Variants in PITPNC1 observed in about 807,000 individuals in gnomAD.
PITPNC1 encodes cytoplasmic phosphatidylinositol transfer protein 1.
Under a neutral mutation model 44.7 loss-of-function variants are expected in PITPNC1, and 18 were observed. That is an observed-to-expected ratio of 0.40 (90% CI 0.28 to 0.60). The LOEUF (loss-of-function observed/expected upper bound fraction) is 0.60, where lower values mean the gene tolerates loss of function less well. Among genes scored for constraint, PITPNC1 ranks in the 20% least tolerant of loss-of-function variants. The pLI, the probability that PITPNC1 is intolerant of heterozygous loss-of-function variation, is 0.39. For synonymous variants in PITPNC1, 141 were observed against 149.6 expected (o/e 0.94, Z 0.42); for missense variants, 290 against 418.4 (o/e 0.69, Z 2.68).
chr17:67,624,029 G>T (rs545667154), intron 5 of PITPNC1, among the ~76,000 whole-genome samples: 1 of 152,166 alleles, frequency 6.6e-6, no homozygotes, highest in African/African-American at 2.4e-5. Flanking sequence ...TCACCACACA[G>T]CACGTAATAG....
chr17:67,657,539 C>T (rs113292127), intron 6 of PITPNC1, among the ~76,000 whole-genome samples: 1 of 150,664 alleles, frequency 6.6e-6, no homozygotes, highest in African/African-American at 2.5e-5. Flanking sequence ...GCCCTATTGC[C>T]GAGTGCCTGT....
intron 1 of PITPNC1, among the ~76,000 whole-genome samples, chr17:67,424,382 C>T (rs1368944053): frequency 1.3e-5 from 2 of 152,076 alleles, no homozygotes; most frequent in Admixed American, 6.6e-5. Context: ...GCTGGCTGGG[C>T]GCAGTGGCTC....
chr17:67,663,755 G>C (rs1476447914), intron 6 of PITPNC1, among the ~76,000 whole-genome samples: 1 of 151,982 alleles, frequency 6.6e-6, no homozygotes, highest in Admixed American at 6.6e-5. Context: ...TCTAGGATGC[G>C]GGTGGTAACT....
chr17:67,435,059 A>T (rs996007698), intron 1 of PITPNC1, among the ~76,000 whole-genome samples: 3 of 145,240 alleles, frequency 2.1e-5, no homozygotes, highest in African/African-American at 7.7e-5. Flanking sequence ...CAGTGAGCTG[A>T]GATCACGCCA....
intron 1 of PITPNC1, among the ~76,000 whole-genome samples, chr17:67,384,908 A>G (rs1361251943): frequency 6.6e-6 from 1 of 152,236 alleles, no homozygotes; most frequent in Non-Finnish European, 1.5e-5. Flanking sequence ...AATTTGGAAA[A>G]TGTTTTCCTT....
At chr17:67,455,866 C>T (rs1262764766) in intron 1 of PITPNC1, among the ~76,000 whole-genome samples, 1 of 152,120 alleles carries the variant, frequency 6.6e-6, no homozygotes, top group African/African-American at 2.4e-5. Context: ...TATATTTTTA[C>T]TTGGTTACTG....
In PITPNC1 at chr17:67,633,985, G is replaced by A. The variant is rs116044461; in HGVS notation, c.462+1747G>A. On this transcript the variant is annotated intron_variant, in intron 6 of 8. Coordinates refer to ENST00000581322, the MANE Select transcript of PITPNC1 (RefSeq NM_012417.4). ...AGTAGGAAGTCTTGATACAAATATA[G>A]AATATTAATGAAGAAATCAAGTCTC... 3.7e-3 allele frequency among the ~76,000 whole-genome samples: 568 copies of A among 152,304 alleles called. 9 individuals are homozygous for A. Among genetic ancestry groups the A allele is most frequent in the African/African-American group, 0.013 (553 of 41,556 alleles).
chr17:67,487,590 G>A (rs919069891), intron 1 of PITPNC1, among the ~76,000 whole-genome samples: 1 of 152,172 alleles, frequency 6.6e-6, no homozygotes, highest in African/African-American at 2.4e-5. Context: ...CAAGTGAAAG[G>A]TGTTTAATCC....
At chr17:67,667,883 G>A (rs2042448152) in intron 6 of PITPNC1, among the ~76,000 whole-genome samples, 1 of 152,120 alleles carries the variant, frequency 6.6e-6, no homozygotes, top group South Asian at 2.1e-4. Flanking sequence ...AGGAGGTTGA[G>A]GCAGGAGAAT....
At chr17:67,463,426 T>C (rs780047752) in intron 1 of PITPNC1, among the ~76,000 whole-genome samples, 1 of 152,190 alleles carries the variant, frequency 6.6e-6, no homozygotes, top group Non-Finnish European at 1.5e-5. Context: ...AACTACCAAT[T>C]CTTACAAGTG....
chr17:67,521,644 T>C (rs1419973215), intron 1 of PITPNC1, among the ~76,000 whole-genome samples: 1 of 152,152 alleles, frequency 6.6e-6, no homozygotes, highest in Non-Finnish European at 1.5e-5. Flanking sequence ...CCTGGAAGAC[T>C]GGGGCTTAGC....
At chr17:67,409,874 C>T (rs983920497) in intron 1 of PITPNC1, among the ~76,000 whole-genome samples, 2 of 152,144 alleles carry the variant, frequency 1.3e-5, no homozygotes, top group African/African-American at 4.8e-5. Context: ...AAAATAGTAT[C>T]CTTTGTATAA....
chr17:67,641,372 G>A (rs1359399038), intron 6 of PITPNC1, among the ~76,000 whole-genome samples: 1 of 152,104 alleles, frequency 6.6e-6, no homozygotes, highest in East Asian at 1.9e-4. Context: ...TGCATAAATA[G>A]TATTATTTTA....
chr17:67,683,258 T>C (rs2042747215), intron 8 of PITPNC1, among the ~76,000 whole-genome samples: 1 of 152,058 alleles, frequency 6.6e-6, no homozygotes, highest in Non-Finnish European at 1.5e-5. Context: ...GAAGTCACTC[T>C]GATCATTGAA....
chr17:67,671,835 G>A (rs754801787), intron 7 of PITPNC1, among the ~76,000 whole-genome samples: 6 of 152,136 alleles, frequency 3.9e-5, no homozygotes, highest in Non-Finnish European at 8.8e-5. Context: ...TCTATCTAAG[G>A]CAGTGTCTTC....
intron 1 of PITPNC1, among the ~76,000 whole-genome samples, chr17:67,395,269 T>G (rs1388099718): frequency 2.0e-5 from 3 of 151,842 alleles, no homozygotes; most frequent in Non-Finnish European, 4.4e-5. Context: ...TCCTCCTGAG[T>G]AGCTAGGACA....
rs2041144993 is a variant in PITPNC1, at chr17:67,576,008, C to G, written c.295-2178C>G. On this transcript the variant is annotated intron_variant, in intron 4 of 8. Coordinates refer to ENST00000581322, the MANE Select transcript of PITPNC1 (RefSeq NM_012417.4). The stretch of plus-strand genomic sequence containing the variant: ...TCTCGTGCCTCAGCCTCCCAAGTAG[C>G]TGGAATTACAGGGGTACACCACTAC... Among the ~76,000 whole-genome samples, 3 of 151,358 alleles carry G rather than the reference C, an allele frequency of 2.0e-5. No homozygotes were observed. The South Asian group carries it at 6.3e-4, about 32-fold the overall frequency.
Position 67,379,595 on chromosome 17 carries a change from A to C in PITPNC1, c.48+1393A>C, listed in dbSNP as rs551039992. Among the ~76,000 whole-genome samples, 46 of 152,270 alleles carry C rather than the reference A, an allele frequency of 3.0e-4. 1 individual carries two copies. The highest frequency in any genetic ancestry group is 1.1e-3 in the African/African-American group (44 of 41,538). On this transcript the variant is annotated intron_variant, in intron 1 of 8. Transcript: ENST00000581322. ...TGCCAGGTGGGTAGACAGAGATTCG[A>C]GTTGCATATGACCTTGTAAGTGGAG...
intron 1 of PITPNC1, among the ~76,000 whole-genome samples, chr17:67,509,476 G>T (rs898368877): frequency 2.0e-5 from 3 of 151,950 alleles, no homozygotes; most frequent in Non-Finnish European, 4.4e-5. Flanking sequence ...GGTGGAGGTT[G>T]CAGTGAGCCG....
Sources: allele counts gnomAD v4.1 joint callset (sites outside exome capture counted in the v4.1 genomes callset), GRCh38; gene constraint gnomAD v4.1.1; transcripts MANE v1.5; gene names NCBI Gene and HGNC (gene_info 2026-07-23, HGNC 2026-07-21).